PTPRM: variants seen among roughly 807,000 people sequenced by gnomAD.
The protein encoded by PTPRM is protein tyrosine phosphatase receptor type M.
PTPRM carries 47 observed loss-of-function variants against 186.7 expected under a neutral mutation model. The observed-to-expected ratio is 0.25, with a 90% CI of 0.20 to 0.32. The LOEUF (loss-of-function observed/expected upper bound fraction) is 0.32, where lower values mean the gene tolerates loss of function less well. PTPRM is among the 10% of genes least tolerant of loss of function. PTPRM has a pLI of 1.00. For synonymous variants in PTPRM, 668 were observed against 674.9 expected, an observed-to-expected ratio of 0.99 and a Z score of 0.16; for missense variants, 1,494 against 1,865.0, an observed-to-expected ratio of 0.80 and a Z score of 3.66.
chr18:7,804,300 C>T (rs894073), intron 2 of PTPRM, among the ~76,000 whole-genome samples: 2,104 of 152,200 alleles, frequency 0.014, 53 homozygotes, highest in African/African-American at 0.046. Flanking sequence ...TTGAGTCTCA[C>T]TAGACCACCT....
chr18:8,088,484 A>C (rs559671150), intron 10 of PTPRM, among the ~76,000 whole-genome samples: 2 of 152,190 alleles, frequency 1.3e-5, no homozygotes, highest in African/African-American at 4.8e-5. Context: ...ATCAAGAAAC[A>C]GAATATTACT....
intron 7 of PTPRM, among the ~76,000 whole-genome samples, chr18:8,021,100 C>G (rs898444927): frequency 1.3e-5 from 2 of 152,066 alleles, no homozygotes; most frequent in African/African-American, 4.8e-5. Flanking sequence ...CTAGGGTCTT[C>G]TGAGTAGCAG....
At chr18:7,875,359 T>C (rs2048187426) in intron 2 of PTPRM, among the ~76,000 whole-genome samples, 1 of 150,656 alleles carries the variant, frequency 6.6e-6, no homozygotes, top group African/African-American at 2.4e-5. Flanking sequence ...AGTCTCCCTC[T>C]ATTGCCCAGG....
chr18:8,250,079 A>G (rs1434122460), intron 17 of PTPRM, among the ~76,000 whole-genome samples: 2 of 152,198 alleles, frequency 1.3e-5, no homozygotes, highest in East Asian at 3.9e-4. Context: ...ACACAAAGAC[A>G]ACAAGAAATG....
chr18:7,886,631 G>C (rs2048801178), intron 2 of PTPRM, among the ~76,000 whole-genome samples: 2 of 152,172 alleles, frequency 1.3e-5, no homozygotes, highest in African/African-American at 4.8e-5. Context: ...ATGAGTAATG[G>C]GCTGGAAACT....
chr18:7,980,630 C>T (rs1025061572), intron 7 of PTPRM, among the ~76,000 whole-genome samples: 32 of 152,252 alleles, frequency 2.1e-4, no homozygotes, highest in Admixed American at 1.8e-3. Flanking sequence ...ACAGTCCTCC[C>T]ACCTCGGCCT....
intron 1 of PTPRM, among the ~76,000 whole-genome samples, chr18:7,748,585 A>C (rs1252213544): frequency 6.6e-6 from 1 of 152,230 alleles, no homozygotes; most frequent in Admixed American, 6.5e-5. Flanking sequence ...ACTTACACAC[A>C]TGAAATATAT....
chr18:8,375,830 A>G (rs1434759298), intron 24 of PTPRM, among the ~76,000 whole-genome samples: 2 of 152,138 alleles, frequency 1.3e-5, no homozygotes, highest in African/African-American at 2.4e-5. Context: ...TTCCCCAAAC[A>G]TCATCCCCCT....
At chr18:8,352,653 G>GTTTTTTTT in intron 23 of PTPRM, among the ~76,000 whole-genome samples, 1 of 121,330 alleles carries the variant, frequency 8.2e-6, no homozygotes. Context: ...TTTTGGTTTG[G>GTTTTTTTT]TTTTTTTTGT....
intron 22 of PTPRM, 131 bp from the exon 23 acceptor site, chr18:8,343,292 A>C: frequency 3.2e-6 from 2 of 616,248 alleles, no homozygotes; most frequent in Non-Finnish European, 5.5e-6. Context: ...CATTGACACT[A>C]GAGACCTGTG....
chr18:8,353,071 G>A (rs983256331), intron 23 of PTPRM, among the ~76,000 whole-genome samples: 1 of 152,132 alleles, frequency 6.6e-6, no homozygotes, highest in African/African-American at 2.4e-5. Context: ...TGTCTTTGCT[G>A]AGGAAGCATT....
intron 19 of PTPRM, among the ~76,000 whole-genome samples, chr18:8,264,218 C>A (rs930852766): frequency 2.0e-5 from 3 of 152,186 alleles, no homozygotes; most frequent in African/African-American, 7.2e-5. Context: ...AGCACTTTGG[C>A]TTTTCCTATC....
At chr18:8,200,143 T>C (rs1481985756) in intron 14 of PTPRM, among the ~76,000 whole-genome samples, 3 of 152,152 alleles carry the variant, frequency 2.0e-5, no homozygotes, top group Admixed American at 6.5e-5. Context: ...GGACTGAATA[T>C]AAACTTCTAC....
At chr18:8,342,396 G>A (rs946910523) in intron 22 of PTPRM, among the ~76,000 whole-genome samples, 6 of 152,210 alleles carry the variant, frequency 3.9e-5, no homozygotes, top group African/African-American at 1.4e-4. Context: ...GAAACTCATA[G>A]AGGCTAAGTA....
intron 32 of PTPRM, among the ~76,000 whole-genome samples, chr18:8,401,203 C>T (rs1306840999): frequency 1.3e-5 from 2 of 152,178 alleles, no homozygotes; most frequent in Non-Finnish European, 2.9e-5. Context: ...TTGCTGCCCT[C>T]TCCAACCTAG....
chr18:8,160,141 T>A (rs974219593), intron 14 of PTPRM, among the ~76,000 whole-genome samples: 2 of 152,210 alleles, frequency 1.3e-5, no homozygotes, highest in African/African-American at 4.8e-5. Flanking sequence ...TTGAAATATT[T>A]TTTATAAATC....
In PTPRM at chr18:8,069,888, G is replaced by A. The variant is rs115049981; in HGVS notation, c.1335G>A (p.Thr445=). The change falls in exon 8 of 33, where the codon ACG becomes ACA. Residue 445 remains threonine, a synonymous_variant. Transcript: ENST00000580170. ...WDTENSHPQH[T]ITNLSPYTNV... is the part of the protein sequence containing the mutation. ...CAGAAAACTCACACCCTCAACACAC[G>A]ATCACTAACCTGTCACCATACACCA... The A allele has an allele frequency of 3.3e-3, 5,315 of 1,613,644 alleles. 149 individuals are homozygous for A. The African/African-American group carries it at 0.062, about 19-fold the overall frequency.
rs570354444 is a variant in PTPRM at position 8,211,928 on chromosome 18, C to A, written c.2301-32130C>A. On this transcript the variant is annotated intron_variant, in intron 14 of 32. Coordinates refer to ENST00000580170, the MANE Select transcript of PTPRM (RefSeq NM_001105244.2). ...GCACTCGTCAGCATGGCTATGCCAG[C>A]CAGAGGGGAGTGGACTCGGTGCAGG... Among the ~76,000 whole-genome samples the A allele has an allele frequency of 2.0e-5, 3 of 152,154 alleles. No individual in the cohort carries two copies. The East Asian group carries it at 5.8e-4, about 30-fold the overall frequency.
chr18:8,085,791 A>G lies in PTPRM; in HGVS notation c.1672A>G (p.Thr558Ala), dbSNP rs2090401530. 1.2e-6 allele frequency: 2 copies of G among 1,613,464 alleles called. No homozygotes were observed. Among genetic ancestry groups the G allele is most frequent in the South Asian group, 2.2e-5 (2 of 91,082 alleles). ...GTTTTTTGGACTGTATCCGGGGACC[A>G]CATACTCCTTTACCATCCGAGCTAG... is the stretch of plus-strand genomic sequence containing the variant. ...FLFFGLYPGTTYSFTIRASTA... is the reference protein window; with the variant it reads ...FLFFGLYPGTAYSFTIRASTA... Residue 558 changes from threonine (T) to alanine (A), a missense_variant, in exon 10 of 33, where the codon ACA becomes GCA. This residue lies in a region of PTPRM where 1,107 missense variants were observed against 1,350.2 expected (regional missense o/e 0.82). Transcript: ENST00000580170.
Sources: allele counts gnomAD v4.1 joint callset (sites outside exome capture counted in the v4.1 genomes callset), GRCh38; gene constraint gnomAD v4.1.1; regional missense constraint gnomAD v4.1.1; transcripts MANE v1.5; gene names NCBI Gene and HGNC (gene_info 2026-07-23, HGNC 2026-07-21).